The following GOLM2 variants were observed in gnomAD, a reference collection of about 807,000 sequenced individuals.
GOLM2 encodes protein GOLM2.
GOLM2 carries 26 observed loss-of-function variants against 55.9 expected under a neutral mutation model. The observed-to-expected ratio is 0.47, with a 90% CI of 0.34 to 0.65. The LOEUF is 0.65. GOLM2 is among the 30% of genes least tolerant of loss of function. The pLI is 0.01. For synonymous variants in GOLM2, 165 were observed against 194.6 expected (o/e 0.85, Z 1.27); for missense variants, 486 against 531.8 (o/e 0.91, Z 0.85).
At chr15:44,326,867 G>A (rs549092418) in intron 2 of GOLM2, among the ~76,000 whole-genome samples, 30 of 151,018 alleles carry the variant, frequency 2.0e-4, no homozygotes, top group African/African-American at 7.0e-4. Context: ...GGCGAGGCTG[G>A]TCTCGAACTC....
intron 8 of GOLM2, among the ~76,000 whole-genome samples, chr15:44,387,718 G>A (rs1350360447): frequency 6.6e-6 from 1 of 150,926 alleles, no homozygotes; most frequent in Non-Finnish European, 1.5e-5. Flanking sequence ...CCAAGATCGC[G>A]ATACTGTACT....
At chr15:44,319,107 A>G (rs2078932096) in intron 1 of GOLM2, among the ~76,000 whole-genome samples, 1 of 152,186 alleles carries the variant, frequency 6.6e-6, no homozygotes, top group South Asian at 2.1e-4. Flanking sequence ...GTAGAACCGA[A>G]TGATAGCATT....
At chr15:44,408,883 G>GA (rs1383494545) in intron 9 of GOLM2, among the ~76,000 whole-genome samples, 7 of 152,184 alleles carry the variant, frequency 4.6e-5, no homozygotes, top group African/African-American at 1.7e-4. Context: ...AGAATGGTGT[G>GA]AACCTAGGAG....
intron 4 of GOLM2, among the ~76,000 whole-genome samples, chr15:44,336,525 G>A (rs1388703681): frequency 6.6e-6 from 1 of 152,196 alleles, no homozygotes. Flanking sequence ...GAGACACGAT[G>A]CAAATATTTA....
intron 8 of GOLM2, among the ~76,000 whole-genome samples, chr15:44,384,338 C>T (rs1301179438): frequency 2.6e-5 from 4 of 152,114 alleles, no homozygotes; most frequent in Non-Finnish European, 4.4e-5. Flanking sequence ...TACGGCCAGG[C>T]GCGGTGGCTC....
intron 9 of GOLM2, among the ~76,000 whole-genome samples, chr15:44,407,593 C>T (rs1167402683): frequency 6.6e-6 from 1 of 151,490 alleles, no homozygotes; most frequent in Admixed American, 6.6e-5. Context: ...GGCTTTTTGC[C>T]CCGAATTCTT....
intron 2 of GOLM2, 51 bp downstream of exon 2, chr15:44,323,070 A>G (rs1018405463): frequency 1.6e-6 from 2 of 1,214,152 alleles, no homozygotes; most frequent in Non-Finnish European, 2.3e-6. Context: ...CTAAATGCCT[A>G]AAATTGTGAA....
chr15:44,370,532 C>T (rs1199873337), intron 6 of GOLM2, among the ~76,000 whole-genome samples: 1 of 152,156 alleles, frequency 6.6e-6, no homozygotes, highest in African/African-American at 2.4e-5. Context: ...CACAGCACTT[C>T]AGCCTGGGCA....
chr15:44,314,613 G>A (rs943817996), intron 1 of GOLM2, among the ~76,000 whole-genome samples: 1 of 151,858 alleles, frequency 6.6e-6, no homozygotes, highest in African/African-American at 2.4e-5. Flanking sequence ...ACTAAAACTT[G>A]GTTTAAGAAG....
chr15:44,368,018 G>T, intron 6 of GOLM2, among the ~76,000 whole-genome samples: 1 of 151,906 alleles, frequency 6.6e-6, no homozygotes, highest in East Asian at 1.9e-4. Context: ...AGATTTGTGG[G>T]TTGATGTTTT....
At chr15:44,317,857 C>CA (rs1265499572) in intron 1 of GOLM2, among the ~76,000 whole-genome samples, 3 of 152,178 alleles carry the variant, frequency 2.0e-5, no homozygotes, top group African/African-American at 7.2e-5. Context: ...CTCATCTAGT[C>CA]ACCCCGATTA....
intron 6 of GOLM2, among the ~76,000 whole-genome samples, chr15:44,352,347 TG>T (rs1440908618): frequency 6.6e-6 from 1 of 152,172 alleles, no homozygotes; most frequent in Non-Finnish European, 1.5e-5. Flanking sequence ...TAGATGGTGC[TG>T]GGGAAGCTGA....
intron 6 of GOLM2, among the ~76,000 whole-genome samples, chr15:44,368,834 C>T (rs2079304156): frequency 6.7e-6 from 1 of 150,142 alleles, no homozygotes; most frequent in Non-Finnish European, 1.5e-5. Context: ...CTGTTGATTC[C>T]TTTTTTTCTT....
At chr15:44,303,071 C>G (rs1459513218) in intron 1 of GOLM2, among the ~76,000 whole-genome samples, 1 of 151,682 alleles carries the variant, frequency 6.6e-6, no homozygotes, top group Non-Finnish European at 1.5e-5. Context: ...CCACTGCACT[C>G]TAGCCTGGGC....
chr15:44,322,375 A>G (rs1405216390), intron 1 of GOLM2, among the ~76,000 whole-genome samples: 2 of 152,162 alleles, frequency 1.3e-5, no homozygotes, highest in Admixed American at 1.3e-4. Context: ...TAAAAAAACA[A>G]ATCATTTTTC....
chr15:44,344,968 G>C (rs1381887829), intron 6 of GOLM2, among the ~76,000 whole-genome samples: 1 of 149,716 alleles, frequency 6.7e-6, no homozygotes, highest in Non-Finnish European at 1.5e-5. Context: ...CACCATGCCT[G>C]GCTAATTTTT....
Position 44,322,988 on chromosome 15 carries a change from G to A in GOLM2, c.351G>A (p.Ser117=), listed in dbSNP as rs780302499. 4.5e-5 allele frequency: 71 copies of A among 1,574,664 alleles called. 1 individual carries two copies. The Middle Eastern group carries it at 6.7e-4, about 15-fold the overall frequency. ...AGGTTAAACTACAGAACAACATATC[G>A]TATCAGATGGCAGACATACATCATT... is the stretch of plus-strand genomic sequence containing the variant. ...DDKVKLQNNI[S]YQMADIHHLK... is the part of the protein sequence containing the mutation. The change falls in exon 2 of 10, where the codon TCG becomes TCA. Residue 117 remains serine (S), a synonymous_variant. Coordinates refer to ENST00000299957, the MANE Select transcript of GOLM2 (RefSeq NM_138423.4).
intron 1 of GOLM2, among the ~76,000 whole-genome samples, chr15:44,311,037 C>T (rs767560759): frequency 7.3e-5 from 11 of 151,710 alleles, no homozygotes; most frequent in East Asian, 3.9e-4. Flanking sequence ...AACAACAAAA[C>T]GAACAAGCAA....
chr15:44,415,613 A>AT lies in GOLM2; in HGVS notation c.*2208dup, dbSNP rs2079668619. ...TGACATTTTACAGTCTGTATTAGAC[A>AT]TACTGTTTTTATAATGTTTTACTTC... On this transcript the variant is annotated 3_prime_UTR_variant, in exon 10 of 10. Transcript: ENST00000299957. The AT allele has an allele frequency of 6.6e-6, 1 of 152,624 alleles. No individual in the cohort carries two copies. The highest frequency in any genetic ancestry group is 1.5e-5 in the Non-Finnish European group (1 of 68,024). The allele number at this position is 152,624 out of a possible 1,614,324, so 9.5% of individuals were successfully genotyped here.
Sources: gnomAD v4.1 joint callset for allele counts (sites outside exome capture counted in the v4.1 genomes callset) on GRCh38, gnomAD v4.1.1 for gene constraint, MANE v1.5 for transcripts, NCBI Gene and HGNC (gene_info 2026-07-23, HGNC 2026-07-21) for gene names.